Variants in CYB5B observed in about 807,000 individuals in gnomAD.
CYB5B encodes the protein cytochrome b5 type B (outer mitochondrial membrane).
CYB5B carries 14 observed loss-of-function variants against 21.3 expected under a neutral mutation model. The ratio of observed to expected loss-of-function variants is 0.66; its 90% CI spans 0.43 to 1.03. CYB5B has a LOEUF of 1.03. Ranked by LOEUF, CYB5B falls within the 50% of genes least tolerant of loss-of-function variation. The probability of loss-of-function intolerance (pLI) is 0.00; values close to 1 mark genes in which losing one functional copy is unlikely to be tolerated. For missense variants in CYB5B, 166 were observed against 185.1 expected (o/e 0.90, Z 0.60); for synonymous variants, 69 against 68.4 (o/e 1.01, Z -0.04).
chr16:69,442,953 T>A (rs35600854), intron 1 of CYB5B, among the ~76,000 whole-genome samples: 7,065 of 151,784 alleles, frequency 0.047, 366 homozygotes, highest in African/African-American at 0.13. Flanking sequence ...GAGGCTTTTT[T>A]AAAAATTTTT....
intron 3 of CYB5B, chr16:69,449,760 T>G (rs571564379): frequency 1.3e-5 from 2 of 152,320 alleles, no homozygotes; most frequent in African/African-American, 4.8e-5. Flanking sequence ...AATTTGCAAT[T>G]TAAGTAATCT....
chr16:69,434,054 C>G (rs1001165093), intron 1 of CYB5B, among the ~76,000 whole-genome samples: 1 of 152,146 alleles, frequency 6.6e-6, no homozygotes, highest in Admixed American at 6.6e-5. Flanking sequence ...CCATTGTTGA[C>G]CATATTATGT....
Position 69,448,103 on chromosome 16 carries a change from T to G in CYB5B, c.304-12T>G. 2 of 1,606,596 alleles carry G rather than the reference T, an allele frequency of 1.2e-6. No homozygotes were observed. On this transcript the variant is annotated splice_polypyrimidine_tract_variant and intron_variant, in intron 2 of 4. Transcript: ENST00000307892. ...TGTCTTAAAATATTATTTGTTTTCCTTTTTTTGACAGAGTGACCTTAAACC... is the reference window on the plus strand; with the variant it reads ...TGTCTTAAAATATTATTTGTTTTCCGTTTTTTGACAGAGTGACCTTAAACC...
intron 3 of CYB5B, among the ~76,000 whole-genome samples, chr16:69,451,689 C>G (rs80141464): frequency 1.3e-5 from 2 of 151,464 alleles, no homozygotes; most frequent in Non-Finnish European, 2.9e-5. Context: ...CGGTGACTCA[C>G]GCCTGTAATC....
rs1214928548 is a variant in CYB5B at position 69,459,148 on chromosome 16, T to C, written c.362+27T>C. On this transcript the variant is annotated intron_variant, in intron 4 of 4. Coordinates refer to ENST00000307892, the MANE Select transcript of CYB5B (RefSeq NM_030579.3). The stretch of plus-strand genomic sequence containing the variant: ...TTAGTATCTCCTTAACAGCTTTCCA[T>C]ACGTTCAAGGTAATGTCTGGCAAGA... The C allele has an allele frequency of 1.9e-6, 3 of 1,604,100 alleles. No homozygotes were observed. In the Admixed American group the frequency reaches 5.1e-5, roughly 27 times the overall value.
At chr16:69,426,710 A>AC (rs2014651280) in intron 1 of CYB5B, among the ~76,000 whole-genome samples, 1 of 151,210 alleles carries the variant, frequency 6.6e-6, no homozygotes, top group Admixed American at 6.6e-5. Flanking sequence ...AAAAAAAAAA[A>AC]AAAAAAAGCT....
At position 69,424,773 on chromosome 16, in the gene CYB5B, G is replaced by A. The variant is rs373896452; in HGVS notation, c.90G>A (p.Glu30=). The change falls in exon 1 of 5, where the codon GAG becomes GAA. Residue 30 remains glutamate (E), a synonymous_variant. Transcript: ENST00000307892. ...CCTCAGTCACCTATTACCGGTTGGAGGAGGTGGCAAAGCGCAACTCCTTGA... is the reference window on the plus strand; with the variant it reads ...CCTCAGTCACCTATTACCGGTTGGAAGAGGTGGCAAAGCGCAACTCCTTGA... ...VETSVTYYRL[E]EVAKRNSLKE... 5 of 1,608,234 alleles carry A rather than the reference G, an allele frequency of 3.1e-6. No individual in the cohort carries two copies. The African/African-American group carries it at 4.0e-5, about 13-fold the overall frequency.
intron 1 of CYB5B, among the ~76,000 whole-genome samples, chr16:69,432,570 T>C (rs1362969993): frequency 6.6e-6 from 1 of 152,212 alleles, no homozygotes; most frequent in Non-Finnish European, 1.5e-5. Flanking sequence ...TACAAATATA[T>C]ACAGAAATAG....
chr16:69,456,482 G>A (rs963675463), intron 3 of CYB5B, among the ~76,000 whole-genome samples: 1 of 152,188 alleles, frequency 6.6e-6, no homozygotes, highest in East Asian at 1.9e-4. Context: ...GTTTGCCAGT[G>A]TATTCTAAGC....
chr16:69,429,248 G>T (rs1010193612), intron 1 of CYB5B, among the ~76,000 whole-genome samples: 2 of 152,124 alleles, frequency 1.3e-5, no homozygotes, highest in South Asian at 2.1e-4. Context: ...AAGATTTATT[G>T]TGAAGAGTGA....
At chr16:69,430,153 T>C (rs1005785569) in intron 1 of CYB5B, among the ~76,000 whole-genome samples, 4 of 152,182 alleles carry the variant, frequency 2.6e-5, no homozygotes, top group African/African-American at 7.2e-5. Context: ...ATAGAAAATA[T>C]CAAAGTGCAT....
At chr16:69,451,575 G>C (rs2014930773) in intron 3 of CYB5B, among the ~76,000 whole-genome samples, 1 of 152,006 alleles carries the variant, frequency 6.6e-6, no homozygotes, top group African/African-American at 2.4e-5. Context: ...AATTTGACCT[G>C]TTCCCCATTA....
chr16:69,428,474 G>A (rs1197065642), intron 1 of CYB5B, among the ~76,000 whole-genome samples: 2 of 152,054 alleles, frequency 1.3e-5, no homozygotes, highest in Non-Finnish European at 2.9e-5. Flanking sequence ...TGGCCAACAT[G>A]GTGAAACCCC....
intron 1 of CYB5B, among the ~76,000 whole-genome samples, chr16:69,427,045 G>T (rs2014654808): frequency 6.6e-6 from 1 of 152,160 alleles, no homozygotes; most frequent in African/African-American, 2.4e-5. Context: ...TTCGAGACCA[G>T]TCTGGCCAAC....
At chr16:69,444,785 A>AG (rs1212886950) in intron 1 of CYB5B, among the ~76,000 whole-genome samples, 1 of 152,130 alleles carries the variant, frequency 6.6e-6, no homozygotes. Context: ...TCAATAAAAA[A>AG]TTGTAGACTA....
At chr16:69,461,588 C>T (rs1435218694) in intron 4 of CYB5B, among the ~76,000 whole-genome samples, 2 of 152,170 alleles carry the variant, frequency 1.3e-5, no homozygotes, top group Non-Finnish European at 2.9e-5. Context: ...TCATTTGGAT[C>T]ATGGAAGAAT....
intron 3 of CYB5B, among the ~76,000 whole-genome samples, chr16:69,456,330 T>C (rs2014983779): frequency 6.6e-6 from 1 of 152,146 alleles, no homozygotes; most frequent in East Asian, 1.9e-4. Context: ...TAGTGGGGAA[T>C]TAAAGCCTTA....
chr16:69,448,366 T>C (rs1270264568), intron 3 of CYB5B: 1 of 543,044 alleles, frequency 1.8e-6, no homozygotes, highest in Admixed American at 3.7e-5. Flanking sequence ...TTATACGCTT[T>C]TTTTTTTTAA....
chr16:69,457,409 A>G (rs1567475784), intron 3 of CYB5B, among the ~76,000 whole-genome samples: 1 of 152,236 alleles, frequency 6.6e-6, no homozygotes, highest in Non-Finnish European at 1.5e-5. Context: ...CCTTTTAAAA[A>G]TAGTAACTAC....
Sources: gnomAD v4.1 joint callset for allele counts (sites outside exome capture counted in the v4.1 genomes callset) on GRCh38, gnomAD v4.1.1 for gene constraint, MANE v1.5 for transcripts, NCBI Gene and HGNC (gene_info 2026-07-23, HGNC 2026-07-21) for gene names.